Variants in RAB39A observed in about 807,000 individuals in gnomAD.
The protein encoded by RAB39A is ras-related protein Rab-39A.
A neutral mutation model predicts 20.9 loss-of-function variants in RAB39A; 17 were observed. The observed-to-expected ratio is 0.81, with a 90% CI of 0.56 to 1.22. The LOEUF is 1.22. RAB39A is among the 50% of genes most tolerant of loss of function. RAB39A has a pLI of 0.00. For synonymous variants in RAB39A, 99 were observed against 103.4 expected, an observed-to-expected ratio of 0.96 and a Z score of 0.26; for missense variants, 234 against 270.5, an observed-to-expected ratio of 0.87 and a Z score of 0.95.
At chr11:107,939,621 A>T (rs915095485) in intron 1 of RAB39A, among the ~76,000 whole-genome samples, 3 of 136,894 alleles carry the variant, frequency 2.2e-5, no homozygotes, top group African/African-American at 9.5e-5. Flanking sequence ...AAGAAAAAAA[A>T]AAAGAAAAAA....
chr11:107,955,967 T>A (rs1232597566), intron 1 of RAB39A, among the ~76,000 whole-genome samples: 1 of 152,192 alleles, frequency 6.6e-6, no homozygotes, highest in African/African-American at 2.4e-5. Flanking sequence ...ATACCCCTGA[T>A]TAAAGGACTC....
At chr11:107,961,582 T>C (rs1310613600) in intron 1 of RAB39A, among the ~76,000 whole-genome samples, 2 of 152,230 alleles carry the variant, frequency 1.3e-5, no homozygotes, top group Non-Finnish European at 2.9e-5. Context: ...ATCTAGTTTG[T>C]TGTACAACCT....
At position 107,944,773 on chromosome 11, in the gene RAB39A, G is replaced by C. The variant is rs556529638; in HGVS notation, c.227+15978G>C. On this transcript the variant is annotated intron_variant, in intron 1 of 1. Coordinates refer to ENST00000320578, the MANE Select transcript of RAB39A (RefSeq NM_017516.3). ...AGAACAGGAGGAGGAATTGTCATCT[G>C]TGCCTAGGGTGATGACCAGTTTCAG... Among the ~76,000 whole-genome samples, 4 of 152,330 alleles carry C rather than the reference G, an allele frequency of 2.6e-5. No homozygotes were observed. The East Asian group carries it at 7.7e-4, about 29-fold the overall frequency.
intron 1 of RAB39A, among the ~76,000 whole-genome samples, chr11:107,935,864 A>G (rs376901019): frequency 0.28 from 258 of 926 alleles, no homozygotes; most frequent in African/African-American, 0.36. Flanking sequence ...GGAATGCCCA[A>G]CTTTCTGGGG....
chr11:107,956,435 G>A (rs939569627), intron 1 of RAB39A, among the ~76,000 whole-genome samples: 2 of 152,156 alleles, frequency 1.3e-5, no homozygotes, highest in Non-Finnish European at 2.9e-5. Context: ...GGAAAAGGAC[G>A]CTATACAAGA....
intron 1 of RAB39A, among the ~76,000 whole-genome samples, chr11:107,948,842 A>G (rs1489327951): frequency 6.6e-6 from 1 of 152,054 alleles, no homozygotes; most frequent in Non-Finnish European, 1.5e-5. Context: ...TAGTAAGGTC[A>G]TTTCTTAGCA....
chr11:107,931,845 C>T (rs1384567878), intron 1 of RAB39A, among the ~76,000 whole-genome samples: 5 of 145,868 alleles, frequency 3.4e-5, no homozygotes, highest in South Asian at 2.2e-4. Flanking sequence ...GATTAGCTTT[C>T]GTTTTCTTTC....
chr11:107,943,906 C>A (rs1366927470), intron 1 of RAB39A, among the ~76,000 whole-genome samples: 1 of 151,972 alleles, frequency 6.6e-6, no homozygotes, highest in Non-Finnish European at 1.5e-5. Flanking sequence ...ACCAGCCTGG[C>A]CAACATGGTG....
At chr11:107,938,424 A>G (rs1036426792) in intron 1 of RAB39A, among the ~76,000 whole-genome samples, 6 of 151,366 alleles carry the variant, frequency 4.0e-5, no homozygotes, top group Admixed American at 6.6e-5. Flanking sequence ...AGAGTGCCAA[A>G]AGATGATCTG....
chr11:107,932,546 G>A (rs1861149087), intron 1 of RAB39A, among the ~76,000 whole-genome samples: 1 of 152,186 alleles, frequency 6.6e-6, no homozygotes, highest in Non-Finnish European at 1.5e-5. Flanking sequence ...TTTCTTTTAA[G>A]CAAGTGAGGC....
intron 1 of RAB39A, among the ~76,000 whole-genome samples, chr11:107,948,563 G>A (rs1861341816): frequency 6.6e-6 from 1 of 151,866 alleles, no homozygotes; most frequent in Non-Finnish European, 1.5e-5. Flanking sequence ...GCAGTGGCGT[G>A]ATCTCAGCTC....
At chr11:107,931,545 C>G (rs1236315534) in intron 1 of RAB39A, among the ~76,000 whole-genome samples, 1 of 152,140 alleles carries the variant, frequency 6.6e-6, no homozygotes, top group Non-Finnish European at 1.5e-5. Flanking sequence ...AAAACAATTA[C>G]TATTAAATCA....
At chr11:107,932,635 A>C (rs1018668005) in intron 1 of RAB39A, among the ~76,000 whole-genome samples, 6 of 152,218 alleles carry the variant, frequency 3.9e-5, no homozygotes, top group African/African-American at 1.4e-4. Flanking sequence ...CTGGGCCATT[A>C]TGTGCCTAGG....
chr11:107,950,748 A>G (rs1861369397), intron 1 of RAB39A, among the ~76,000 whole-genome samples: 1 of 141,698 alleles, frequency 7.1e-6, no homozygotes, highest in Non-Finnish European at 1.6e-5. Context: ...CCTGGGCGAC[A>G]GAGCGAGACC....
intron 1 of RAB39A, among the ~76,000 whole-genome samples, chr11:107,947,498 C>T (rs1861330976): frequency 6.6e-6 from 1 of 151,894 alleles, no homozygotes; most frequent in South Asian, 2.1e-4. Context: ...AGAGAAAAAA[C>T]AGAGGAGAGA....
intron 1 of RAB39A, among the ~76,000 whole-genome samples, chr11:107,938,631 G>T (rs1861225784): frequency 6.7e-6 from 1 of 150,342 alleles, no homozygotes. Flanking sequence ...AGCTACTTGG[G>T]AGACTGAGGT....
chr11:107,938,143 A>G (rs1004966584), intron 1 of RAB39A, among the ~76,000 whole-genome samples: 2 of 151,496 alleles, frequency 1.3e-5, no homozygotes, highest in Non-Finnish European at 1.5e-5. Flanking sequence ...CGGGCGGATC[A>G]CCTGAGGTCA....
At chr11:107,932,704 T>C (rs1861150054) in intron 1 of RAB39A, among the ~76,000 whole-genome samples, 1 of 152,182 alleles carries the variant, frequency 6.6e-6, no homozygotes. Context: ...ATCACTTTTT[T>C]ATAAATTTTG....
intron 1 of RAB39A, among the ~76,000 whole-genome samples, chr11:107,946,420 GTGTGTGTGTGTGTGTGTATATATA>G (rs1197277667): frequency 0.024 from 606 of 25,636 alleles, 11 homozygotes; most frequent in South Asian, 0.034. Context: ...GTGTGTGTGT[GTGTGTGTGTGTGTGTGTATATATA>G]TATATATATA....
Sources: allele counts gnomAD v4.1 joint callset (sites outside exome capture counted in the v4.1 genomes callset), GRCh38; gene constraint gnomAD v4.1.1; transcripts MANE v1.5; gene names NCBI Gene and HGNC (gene_info 2026-07-23, HGNC 2026-07-21).